The following GRIA2 variants were observed in gnomAD, a reference collection of about 807,000 sequenced individuals.
The protein encoded by GRIA2 is glutamate receptor 2.
Under a neutral mutation model 97.3 loss-of-function variants are expected in GRIA2, and 14 were observed. That is an observed-to-expected ratio of 0.14 (90% CI 0.10 to 0.23). The LOEUF (loss-of-function observed/expected upper bound fraction) is 0.23, where lower values mean the gene tolerates loss of function less well. Among genes scored for constraint, GRIA2 ranks in the 10% least tolerant of loss-of-function variants. The pLI, the probability that GRIA2 is intolerant of heterozygous loss-of-function variation, is 1.00. For synonymous variants in GRIA2, 412 were observed against 387.8 expected (o/e 1.06, Z -0.73); for missense variants, 558 against 1,069.8 (o/e 0.52, Z 6.67).
intron 2 of GRIA2, among the ~76,000 whole-genome samples, chr4:157,248,134 C>T (rs1429723349): frequency 4.6e-5 from 7 of 150,578 alleles, no homozygotes; most frequent in Non-Finnish European, 1.0e-4. Flanking sequence ...AATTTGATAT[C>T]CAGTCGATAG....
intron 2 of GRIA2, 122 bp from the exon 3 acceptor site, chr4:157,303,430 T>C: frequency 4.0e-6 from 3 of 749,928 alleles, no homozygotes; most frequent in Non-Finnish European, 6.5e-6. Context: ...TCATTAAATC[T>C]ATATTTCTTT....
At chr4:157,271,743 A>G (rs1732034329) in intron 2 of GRIA2, among the ~76,000 whole-genome samples, 2 of 152,160 alleles carry the variant, frequency 1.3e-5, no homozygotes, top group South Asian at 2.1e-4. Flanking sequence ...AACCCTCTAC[A>G]GGCCTTGTTT....
chr4:157,360,870 A>G, intron 13 of GRIA2, 140 bp from the exon 14 acceptor site: 1 of 692,064 alleles, frequency 1.4e-6, no homozygotes, highest in South Asian at 1.6e-5. Flanking sequence ...ATAGTAACAT[A>G]TTATTGTGGC....
chr4:157,227,580 T>G (rs916241318), intron 2 of GRIA2, among the ~76,000 whole-genome samples: 1 of 152,190 alleles, frequency 6.6e-6, no homozygotes, highest in Non-Finnish European at 1.5e-5. Flanking sequence ...AACATTTTCT[T>G]ATGTGAGCAG....
At chr4:157,276,854 C>G (rs4418024) in intron 2 of GRIA2, among the ~76,000 whole-genome samples, 54,900 of 151,448 alleles carry the variant, frequency 0.36, 10,433 homozygotes, top group African/African-American at 0.48. Context: ...TTTGCCTAAA[C>G]TCACAAATAA....
intron 2 of GRIA2, among the ~76,000 whole-genome samples, chr4:157,270,616 G>A (rs188580775): frequency 1.1e-3 from 162 of 152,160 alleles, no homozygotes; most frequent in African/African-American, 3.7e-3. Flanking sequence ...GAAATATACA[G>A]TCTTTAACTC....
At chr4:157,328,260 T>C (rs1322499896) in intron 6 of GRIA2, among the ~76,000 whole-genome samples, 1 of 152,042 alleles carries the variant, frequency 6.6e-6, no homozygotes, top group Admixed American at 6.6e-5. Context: ...AGGTAAACTC[T>C]TAGGTTTCCT....
intron 2 of GRIA2, among the ~76,000 whole-genome samples, chr4:157,261,908 AGGATTTTATAGGAGTT>A (rs1273376307): frequency 1.1e-4 from 17 of 152,154 alleles, no homozygotes; most frequent in Middle Eastern, 6.8e-3. Flanking sequence ...TGGAAGACCT[AGGATTTTATAGGAGTT>A]CAAAAATTAT....
intron 6 of GRIA2, among the ~76,000 whole-genome samples, chr4:157,329,723 A>C (rs745912598): frequency 2.0e-5 from 3 of 151,924 alleles, no homozygotes; most frequent in African/African-American, 7.2e-5. Flanking sequence ...TACATATATA[A>C]CATATTTTAC....
At chr4:157,241,389 G>C (rs1579297314) in intron 2 of GRIA2, among the ~76,000 whole-genome samples, 2 of 152,090 alleles carry the variant, frequency 1.3e-5, no homozygotes, top group East Asian at 3.9e-4. Context: ...ATCTAAATGG[G>C]AACTTTTAAA....
intron 2 of GRIA2, among the ~76,000 whole-genome samples, chr4:157,256,201 CAT>C (rs1404446642): frequency 8.6e-5 from 11 of 128,648 alleles, no homozygotes; most frequent in East Asian, 2.2e-4. Context: ...ACATATATTA[CAT>C]ATATATGTTA....
chr4:157,338,436 T>C (rs1271943162), intron 11 of GRIA2, among the ~76,000 whole-genome samples: 1 of 151,948 alleles, frequency 6.6e-6, no homozygotes, highest in Non-Finnish European at 1.5e-5. Flanking sequence ...TGTTTAGGTA[T>C]CCAGTGTTTG....
intron 12 of GRIA2, among the ~76,000 whole-genome samples, chr4:157,353,262 G>C (rs1396020277): frequency 6.6e-6 from 1 of 152,194 alleles, no homozygotes; most frequent in Non-Finnish European, 1.5e-5. Context: ...TGAGGCAGGA[G>C]AATAGCTTGA....
Position 157,341,333 on chromosome 4 carries a change from G to T in GRIA2, c.1914G>T (p.Thr638=). ...FFTLIIISSY[T]ANLAAFLTVE... ...CCCTGATCATAATCTCCTCCTACAC[G>T]GCTAACTTAGCTGCCTTCCTGACTG... Residue 638 remains threonine, a synonymous_variant, in exon 12 of 16, where the codon ACG becomes ACT. Transcript: ENST00000264426. 6.2e-7 allele frequency: 1 copy of T among 1,612,514 alleles called. No homozygotes were observed. Among genetic ancestry groups the T allele is most frequent in the Non-Finnish European group, 8.5e-7 (1 of 1,178,914 alleles).
At chr4:157,317,488 ATAT>A (rs1272889166) in intron 4 of GRIA2, among the ~76,000 whole-genome samples, 167 bp from the exon 5 acceptor site, 4 of 152,106 alleles carry the variant, frequency 2.6e-5, no homozygotes, top group East Asian at 3.9e-4. Flanking sequence ...TATGAGAGAA[ATAT>A]TATCTAATTT....
rs1188544474 is a variant in GRIA2 at position 157,289,799 on chromosome 4, A to G, written c.230-13753A>G. ...TATATATTAAAAATAAAAGAAAAGA[A>G]TTTTAAATAAAAAGCTAGAGAGATT... On this transcript the variant is annotated intron_variant, in intron 2 of 15. Transcript: ENST00000264426. Among the ~76,000 whole-genome samples the G allele has an allele frequency of 2.0e-5, 3 of 151,886 alleles. No individual in the cohort carries two copies. In the Admixed American group the frequency reaches 2.0e-4, roughly 10 times the overall value.
At chr4:157,294,816 GC>G (rs1733269457) in intron 2 of GRIA2, among the ~76,000 whole-genome samples, 2 of 152,100 alleles carry the variant, frequency 1.3e-5, no homozygotes, top group African/African-American at 4.8e-5. Flanking sequence ...CATTCATTCA[GC>G]CTGGCACTCT....
rs1481793675 is a variant in GRIA2, at chr4:157,362,980, C to T, written c.2588C>T (p.Ser863Leu). ...QNINPSSSQN[S>L]QNFATYKEGY... ...ATTAACCCATCTTCCTCGCAGAATTCACAGAATTTTGCAACTTATAAGGAA... is the reference window on the plus strand; with the variant it reads ...ATTAACCCATCTTCCTCGCAGAATTTACAGAATTTTGCAACTTATAAGGAA... The change falls in exon 15 of 16, where the codon TCA (serine) becomes TTA (leucine). Residue 863 changes from serine to leucine, a missense_variant. Ser to Leu is a moderately radical substitution (Grantham distance 145). Coordinates refer to ENST00000264426, the MANE Select transcript of GRIA2 (RefSeq NM_001083619.3). 1.2e-6 allele frequency: 2 copies of T among 1,613,434 alleles called. No homozygotes were observed. The highest frequency in any genetic ancestry group is 1.7e-6 in the Non-Finnish European group (2 of 1,179,548).
chr4:157,263,210 T>C (rs1346235439), intron 2 of GRIA2, among the ~76,000 whole-genome samples: 1 of 152,108 alleles, frequency 6.6e-6, no homozygotes, highest in Non-Finnish European at 1.5e-5. Context: ...CAAGGCATTC[T>C]CTTTCCTTCT....
Sources: allele counts gnomAD v4.1 joint callset (sites outside exome capture counted in the v4.1 genomes callset), GRCh38; gene constraint gnomAD v4.1.1; transcripts MANE v1.5; gene names NCBI Gene and HGNC (gene_info 2026-07-23, HGNC 2026-07-21).